Variants in HFM1 observed in about 807,000 individuals in gnomAD.
The protein encoded by HFM1 is helicase for meiosis 1, also known as probable ATP-dependent DNA helicase HFM1.
A neutral mutation model predicts 192.1 loss-of-function variants in HFM1; 169 were observed. The observed-to-expected ratio is 0.88, with a 90% CI of 0.78 to 1.00. The LOEUF (loss-of-function observed/expected upper bound fraction) is 1.00, where lower values mean the gene tolerates loss of function less well. Ranked by LOEUF, HFM1 falls within the 50% of genes least tolerant of loss-of-function variation. HFM1 has a pLI of 0.00. For missense variants in HFM1, 1,661 were observed against 1,668.0 expected (o/e 1.00, Z 0.07); for synonymous variants, 525 against 537.8 (o/e 0.98, Z 0.33).
chr1:91,389,501 A>G (rs1304547722), intron 4 of HFM1, among the ~76,000 whole-genome samples: 1 of 152,120 alleles, frequency 6.6e-6, no homozygotes, highest in Non-Finnish European at 1.5e-5. Context: ...CCATGATGGA[A>G]TTAATGCCCT....
At chr1:91,335,149 T>C (rs1322706760) in intron 20 of HFM1, among the ~76,000 whole-genome samples, 7 of 152,154 alleles carry the variant, frequency 4.6e-5, no homozygotes, top group African/African-American at 1.4e-4. Context: ...CATGGTACAA[T>C]AGATAAAACT....
rs1204312859 is a variant in HFM1 at position 91,323,079 on chromosome 1, T to C, written c.2534+14A>G. 4 of 1,422,362 alleles carry C rather than the reference T, an allele frequency of 2.8e-6. No individual in the cohort carries two copies. Among genetic ancestry groups the C allele is most frequent in the Middle Eastern group, 1.9e-4 (1 of 5,212 alleles). The allele number at this position is 1,422,362 out of a possible 1,614,324, so 88.1% of individuals were successfully genotyped here. On this transcript the variant is annotated intron_variant, in intron 22 of 38. Transcript: ENST00000370425. ...ACCTCTTAAAATTATTTAAAACATATGTAATTTCTGTACCTGATAGTTATC... is the reference window on the plus strand; with the variant it reads ...ACCTCTTAAAATTATTTAAAACATACGTAATTTCTGTACCTGATAGTTATC...
rs377647325 is a variant in HFM1 at position 91,315,849 on chromosome 1, C to T, written c.3106G>A (p.Ala1036Thr). Reference protein sequence around the residue: ...SHYVTLIIGDADNQVVYLHKI... With the variant: ...SHYVTLIIGDTDNQVVYLHKI... The stretch of plus-strand genomic sequence containing the variant: ...TGCAGATAAACTACTTGATTATCTG[C>T]GTCACCTATGATTAAGGTAACATAG... Residue 1036 changes from alanine to threonine, a missense_variant, in exon 28 of 39, where the codon GCA (alanine) becomes ACA (threonine). Coordinates refer to ENST00000370425, the MANE Select transcript of HFM1 (RefSeq NM_001017975.6). 7.9e-5 allele frequency: 127 copies of T among 1,609,886 alleles called. No homozygotes were observed. In the South Asian group the frequency reaches 1.0e-3, roughly 13 times the overall value.
chr1:91,391,484 A>T (rs938772148), intron 4 of HFM1, among the ~76,000 whole-genome samples: 2 of 152,254 alleles, frequency 1.3e-5, no homozygotes, highest in Admixed American at 1.3e-4. Context: ...CAAACCTGAC[A>T]AAAACAAGAA....
chr1:91,304,847 G>A (rs1649379636), intron 30 of HFM1, among the ~76,000 whole-genome samples: 1 of 152,086 alleles, frequency 6.6e-6, no homozygotes, highest in African/African-American at 2.4e-5. Context: ...TATATGGTAT[G>A]AGGTAGGAGT....
At chr1:91,406,090 G>GC (rs1428148662), upstream of HFM1, among the ~76,000 whole-genome samples, 1 of 152,218 alleles carries the variant, frequency 6.6e-6, no homozygotes, top group Non-Finnish European at 1.5e-5. Flanking sequence ...GTAGGATTGT[G>GC]CCCTTTTAAG....
At chr1:91,340,446 G>T (rs1044443222) in intron 20 of HFM1, among the ~76,000 whole-genome samples, 1 of 152,158 alleles carries the variant, frequency 6.6e-6, no homozygotes, top group Non-Finnish European at 1.5e-5. Flanking sequence ...CTTATGAGAG[G>T]TCCTTAAGAC....
At chr1:91,326,088 TA>T in intron 20 of HFM1, among the ~76,000 whole-genome samples, 1 of 151,858 alleles carries the variant, frequency 6.6e-6, no homozygotes. Context: ...AAAATAATTT[TA>T]AAAAAATGAA....
At chr1:91,301,144 GACAA>G (rs1310808105) in intron 30 of HFM1, among the ~76,000 whole-genome samples, 2 of 151,932 alleles carry the variant, frequency 1.3e-5, no homozygotes, top group South Asian at 2.1e-4. Context: ...ACCAATAACA[GACAA>G]ACAGAGCCAA....
At chr1:91,366,850 T>C (rs1239199596) in intron 13 of HFM1, among the ~76,000 whole-genome samples, 2 of 152,204 alleles carry the variant, frequency 1.3e-5, no homozygotes, top group Non-Finnish European at 2.9e-5. Context: ...GGGAATTCCC[T>C]TTCCTAGTCA....
At chr1:91,349,134 A>G (rs896007570) in intron 18 of HFM1, among the ~76,000 whole-genome samples, 12 of 151,640 alleles carry the variant, frequency 7.9e-5, no homozygotes, top group Non-Finnish European at 1.3e-4. Flanking sequence ...CTAAAAATAG[A>G]AAAAATTAGC....
At chr1:91,282,311 T>C (rs137978614) in intron 30 of HFM1, among the ~76,000 whole-genome samples, 2 of 152,278 alleles carry the variant, frequency 1.3e-5, no homozygotes, top group Non-Finnish European at 2.9e-5. Flanking sequence ...TGCTTCTCTG[T>C]GCTTGCTCTG....
intron 4 of HFM1, among the ~76,000 whole-genome samples, chr1:91,392,528 T>C (rs1663130632): frequency 1.3e-5 from 2 of 151,966 alleles, no homozygotes; most frequent in South Asian, 2.1e-4. Flanking sequence ...TTCTCACTCA[T>C]AGATGGGAAT....
chr1:91,380,547 A>G (rs1661434487), intron 7 of HFM1, among the ~76,000 whole-genome samples: 1 of 152,142 alleles, frequency 6.6e-6, no homozygotes, highest in Admixed American at 6.5e-5. Context: ...TGAGGTCAGG[A>G]GTTCGAGACC....
At chr1:91,268,376 A>C (rs963613453) in intron 34 of HFM1, among the ~76,000 whole-genome samples, 2 of 151,980 alleles carry the variant, frequency 1.3e-5, no homozygotes, top group Non-Finnish European at 2.9e-5. Context: ...CCTGCTAAAA[A>C]ATCCTCAGTG....
At chr1:91,387,417 G>A (rs1662348541) in intron 4 of HFM1, among the ~76,000 whole-genome samples, 2 of 151,544 alleles carry the variant, frequency 1.3e-5, no homozygotes, top group South Asian at 4.2e-4. Context: ...CAGAAGGATC[G>A]TGAGGCCCCG....
At chr1:91,270,089 T>C (rs928087945) in intron 34 of HFM1, among the ~76,000 whole-genome samples, 4 of 152,122 alleles carry the variant, frequency 2.6e-5, no homozygotes, top group African/African-American at 9.7e-5. Context: ...TCAGATCACT[T>C]TGAATATTAT....
At chr1:91,397,520 A>C (rs1337779542) in intron 2 of HFM1, among the ~76,000 whole-genome samples, 1 of 152,220 alleles carries the variant, frequency 6.6e-6, no homozygotes, top group South Asian at 2.1e-4. Context: ...CTCTAAAGTG[A>C]GAAACTCAGT....
chr1:91,314,761 C>G (rs937082520), intron 28 of HFM1, among the ~76,000 whole-genome samples: 1 of 152,130 alleles, frequency 6.6e-6, no homozygotes, highest in African/African-American at 2.4e-5. Flanking sequence ...AAGCCAGCAA[C>G]CATTTTTATG....
Sources: gnomAD v4.1 joint callset for allele counts (sites outside exome capture counted in the v4.1 genomes callset) on GRCh38, gnomAD v4.1.1 for gene constraint, MANE v1.5 for transcripts, NCBI Gene and HGNC (gene_info 2026-07-23, HGNC 2026-07-21) for gene names.